SLC24A2: variants seen among roughly 807,000 people sequenced by gnomAD.
SLC24A2 encodes the protein solute carrier family 24 member 2.
SLC24A2 carries 36 observed loss-of-function variants against 62.0 expected under a neutral mutation model. That is an observed-to-expected ratio of 0.58 (90% CI 0.44 to 0.77). The LOEUF (loss-of-function observed/expected upper bound fraction) is 0.77. SLC24A2 is among the 30% of genes least tolerant of loss of function. SLC24A2 has a pLI of 0.00. For missense variants in SLC24A2, 846 were observed against 817.9 expected (o/e 1.03, Z -0.42); for synonymous variants, 358 against 294.0 (o/e 1.22, Z -2.23).
chr9:20,003,680 G>A, the SLC24A2 span, among the ~76,000 whole-genome samples: 1 of 152,078 alleles, frequency 6.6e-6, no homozygotes, highest in Non-Finnish European at 1.5e-5. Flanking sequence ...TGGGTCATAG[G>A]GTTTCTGTCA....
the SLC24A2 span, among the ~76,000 whole-genome samples, chr9:20,228,657 G>C: frequency 6.6e-6 from 1 of 152,100 alleles, no homozygotes; most frequent in Non-Finnish European, 1.5e-5. Context: ...CTCTGATCCA[G>C]GAAGAGGTCA....
intron 2 of SLC24A2, among the ~76,000 whole-genome samples, chr9:19,742,573 T>G: frequency 6.6e-6 from 1 of 152,178 alleles, no homozygotes; most frequent in Admixed American, 6.6e-5. Flanking sequence ...AATTTTTTTT[T>G]AAGTATAGGA....
chr9:20,249,221 T>C, the SLC24A2 span, among the ~76,000 whole-genome samples: 2 of 152,210 alleles, frequency 1.3e-5, no homozygotes, highest in Admixed American at 6.5e-5. Flanking sequence ...TAGTTCATAT[T>C]GACCTTTAGT....
At chr9:20,243,117 C>T in the SLC24A2 span, among the ~76,000 whole-genome samples, 45 of 152,182 alleles carry the variant, frequency 3.0e-4, no homozygotes, top group Non-Finnish European at 4.6e-4. Context: ...AAGGACTCCA[C>T]ACCCACCCCC....
rs1836778998 is a variant in SLC24A2 at position 19,599,089 on chromosome 9, A to G, written c.1079-1810T>C. On this transcript the variant is annotated intron_variant, in intron 4 of 10. Transcript: ENST00000341998. This position sits in a 1 kb window ranked among gnomAD's most constrained non-coding sequence, Gnocchi z 4.5. ...TAGACGCAAACCTCTGTATGCACAC[A>G]CTTATTTTCACATATCAATCCCAAC... 6.6e-6 allele frequency among the ~76,000 whole-genome samples: 1 copy of G among 152,344 alleles called. No individual in the cohort carries two copies.
the SLC24A2 span, among the ~76,000 whole-genome samples, chr9:20,288,161 C>G: frequency 6.6e-6 from 1 of 152,120 alleles, no homozygotes; most frequent in African/African-American, 2.4e-5. Context: ...TGACTTGCAA[C>G]CATCATCTGC....
At chr9:19,759,004 C>T (rs1822231343) in intron 2 of SLC24A2, among the ~76,000 whole-genome samples, 1 of 152,182 alleles carries the variant, frequency 6.6e-6, no homozygotes, top group African/African-American at 2.4e-5. Context: ...CAAGATTGCA[C>T]AGCAATCAGT....
chr9:19,760,806 C>T (rs887699638), intron 2 of SLC24A2, among the ~76,000 whole-genome samples: 3 of 150,728 alleles, frequency 2.0e-5, no homozygotes, highest in East Asian at 2.0e-4. Context: ...TTTGTTCTAT[C>T]GCAAGGACGG....
At chr9:19,550,029 A>T in intron 8 of SLC24A2, 108 bp downstream of exon 8, 1 of 1,130,150 alleles carries the variant, frequency 8.8e-7, no homozygotes, top group Non-Finnish European at 1.3e-6. Flanking sequence ...TGAGATTTTG[A>T]TACAAGTGTA....
At chr9:19,837,652 T>C in the SLC24A2 span, among the ~76,000 whole-genome samples, 2 of 151,982 alleles carry the variant, frequency 1.3e-5, no homozygotes, top group Non-Finnish European at 2.9e-5. Flanking sequence ...ATGACATAAT[T>C]GTATATCTAG....
At chr9:19,872,187 G>A in the SLC24A2 span, among the ~76,000 whole-genome samples, 35 of 152,132 alleles carry the variant, frequency 2.3e-4, no homozygotes, top group Admixed American at 2.3e-3. Context: ...CAGTAACTAT[G>A]GGAAATATAG....
the SLC24A2 span, among the ~76,000 whole-genome samples, chr9:20,284,169 A>C: frequency 2.6e-5 from 4 of 152,294 alleles, no homozygotes; most frequent in East Asian, 5.8e-4. Flanking sequence ...ACTCATGCCT[A>C]ACTACCTGTA....
the SLC24A2 span, among the ~76,000 whole-genome samples, chr9:20,010,901 T>C: frequency 6.6e-6 from 1 of 151,972 alleles, no homozygotes; most frequent in African/African-American, 2.4e-5. Context: ...AGAATGATGG[T>C]TTCCAGCTTC....
chr9:20,015,571 C>A, the SLC24A2 span, among the ~76,000 whole-genome samples: 1 of 152,196 alleles, frequency 6.6e-6, no homozygotes, highest in African/African-American at 2.4e-5. Flanking sequence ...CATCCCTGAC[C>A]ATACAGAGAA....
At chr9:19,588,540 T>G (rs1836443388) in intron 5 of SLC24A2, among the ~76,000 whole-genome samples, 1 of 152,186 alleles carries the variant, frequency 6.6e-6, no homozygotes, top group Non-Finnish European at 1.5e-5. Context: ...ACTCTGTATT[T>G]AACTCAACTC....
chr9:20,046,512 CTG>C, the SLC24A2 span, among the ~76,000 whole-genome samples: 1 of 152,190 alleles, frequency 6.6e-6, no homozygotes, highest in Non-Finnish European at 1.5e-5. Context: ...CATATGTCCT[CTG>C]GGATAAAAAC....
At chr9:20,163,603 ACTTT>A in the SLC24A2 span, among the ~76,000 whole-genome samples, 1 of 152,150 alleles carries the variant, frequency 6.6e-6, no homozygotes, top group Non-Finnish European at 1.5e-5. Context: ...GCTACCAATG[ACTTT>A]CTTCACAGAA....
chr9:20,075,303 G>A, the SLC24A2 span, among the ~76,000 whole-genome samples: 16 of 152,238 alleles, frequency 1.1e-4, no homozygotes, highest in African/African-American at 3.8e-4. Flanking sequence ...ATCTCTGATA[G>A]GATTATTACC....
the SLC24A2 span, among the ~76,000 whole-genome samples, chr9:20,019,248 G>GAGA: frequency 9.8e-5 from 4 of 40,900 alleles, no homozygotes; most frequent in Non-Finnish European, 2.3e-4. Flanking sequence ...AAAGAAAGAA[G>GAGA]GAAAGAGAAA....
Sources: allele counts gnomAD v4.1 joint callset (sites outside exome capture counted in the v4.1 genomes callset), GRCh38; gene constraint gnomAD v4.1.1; non-coding constraint Gnocchi (gnomAD v3.1); transcripts MANE v1.5; gene names NCBI Gene and HGNC (gene_info 2026-07-23, HGNC 2026-07-21).